KMT2A: variants seen among roughly 807,000 people sequenced by gnomAD.
KMT2A encodes lysine methyltransferase 2A.
KMT2A carries 16 observed loss-of-function variants against 345.3 expected under a neutral mutation model. That is an observed-to-expected ratio of 0.05 (90% CI 0.03 to 0.07). The LOEUF (loss-of-function observed/expected upper bound fraction) is 0.07, where lower values mean the gene tolerates loss of function less well. KMT2A is among the 10% of genes least tolerant of loss of function. KMT2A has a pLI of 1.00. For synonymous variants in KMT2A, 1,599 were observed against 1,778.6 expected (o/e 0.90, Z 2.54); for missense variants, 3,272 against 4,841.6 (o/e 0.68, Z 9.62).
At position 118,490,024 on chromosome 11, in the gene KMT2A, A is replaced by G; in HGVS notation, c.4576-105A>G. 1.4e-6 allele frequency: 2 copies of G among 1,438,104 alleles called. No individual in the cohort carries two copies. The highest frequency in any genetic ancestry group is 2.1e-5 in the Admixed American group (1 of 48,590). The allele number at this position is 1,438,104 out of a possible 1,614,324, so 89.1% of individuals were successfully genotyped here. On this transcript the variant is annotated intron_variant, in intron 12 of 35. Transcript: ENST00000534358. The surrounding 1 kb of genome is among the most constrained non-coding windows in gnomAD (Gnocchi z 4.2). ...TGCCTCATTACTAGGAAATCATCTC[A>G]GCAGAGAAATTAAATCTATAAATGG...
At chr11:118,456,529 G>C (rs782653794) in intron 1 of KMT2A, among the ~76,000 whole-genome samples, 17 of 151,924 alleles carry the variant, frequency 1.1e-4, no homozygotes, top group Non-Finnish European at 1.9e-4. Context: ...TAGTAGAGAT[G>C]GGGTTTCACT....
chr11:118,470,228 G>A (rs1949919884), intron 2 of KMT2A, among the ~76,000 whole-genome samples: 2 of 152,174 alleles, frequency 1.3e-5, no homozygotes, highest in African/African-American at 4.8e-5. Context: ...CCCTCTGATT[G>A]GCCAGGTTCA....
chr11:118,506,758 C>A (rs1950591724), intron 27 of KMT2A, 112 bp downstream of exon 27: 2 of 1,174,230 alleles, frequency 1.7e-6, no homozygotes, highest in Non-Finnish European at 2.4e-6. Context: ...GTTGCATTAC[C>A]TGGGAGTTTT....
intron 1 of KMT2A, among the ~76,000 whole-genome samples, chr11:118,456,047 G>T (rs1555030761): frequency 1.3e-5 from 2 of 151,782 alleles, no homozygotes; most frequent in South Asian, 2.1e-4. Context: ...TCCCTTTGTT[G>T]CCCAGGCTGA....
chr11:118,520,666 G>A lies in KMT2A; in HGVS notation c.11430-136G>A. 7 of 645,426 alleles carry A rather than the reference G, an allele frequency of 1.1e-5. No homozygotes were observed. The highest frequency in any genetic ancestry group is 1.9e-5 in the Non-Finnish European group (7 of 364,060). The allele number at this position is 645,426 out of a possible 1,614,324, so 40.0% of individuals were successfully genotyped here. ...ACTCCATCTCAAAAAAAAAAGGGGGGCGCTCATTTTATAAGGCACTCGTTC... is the reference window on the plus strand; with the variant it reads ...ACTCCATCTCAAAAAAAAAAGGGGGACGCTCATTTTATAAGGCACTCGTTC... On this transcript the variant is annotated intron_variant, in intron 33 of 35. Transcript: ENST00000534358. This position sits in a 1 kb window ranked among gnomAD's most constrained non-coding sequence, Gnocchi z 4.3.
chr11:118,484,501 C>T lies in KMT2A; in HGVS notation c.4218+187C>T, dbSNP rs1411087835. Among the ~76,000 whole-genome samples the T allele has an allele frequency of 6.6e-6, 1 of 152,160 alleles. No individual in the cohort carries two copies. Among genetic ancestry groups the T allele is most frequent in the Non-Finnish European group, 1.5e-5 (1 of 68,038 alleles). ...GTGTTGTTAGGTCACTGTTTGTGAACTGACTGCAGAACATACATAATGAAA... is the reference window on the plus strand; with the variant it reads ...GTGTTGTTAGGTCACTGTTTGTGAATTGACTGCAGAACATACATAATGAAA... On this transcript the variant is annotated intron_variant, in intron 9 of 35. Coordinates refer to ENST00000534358, the MANE Select transcript of KMT2A (RefSeq NM_001197104.2). The surrounding 1 kb of genome is among the most constrained non-coding windows in gnomAD (Gnocchi z 4.1).
intron 2 of KMT2A, among the ~76,000 whole-genome samples, chr11:118,469,342 T>C (rs1205744163): frequency 6.6e-6 from 1 of 152,172 alleles, no homozygotes; most frequent in Admixed American, 6.5e-5. Context: ...TATATGTCTT[T>C]GGGAATAATT....
rs1555046414 is a variant in KMT2A at position 118,503,058 on chromosome 11, C to A, written c.7166C>A (p.Thr2389Asn). ...RNDRDQHTDS[T>N]QSANSSPDED... ...GATCGAGACCAACACACAGATTCTA[C>A]CCAATCAGCAAACTCCTCTCCAGAT... The change falls in exon 27 of 36, where the codon ACC (threonine) becomes AAC (asparagine). Residue 2389 changes from threonine to asparagine, a missense_variant. Physicochemically the swap from Thr to Asn is moderately conservative, Grantham distance 65. This residue lies in a region of KMT2A where 445 missense variants were observed against 500.9 expected (regional missense o/e 0.89). Transcript: ENST00000534358. The surrounding 1 kb of genome is among the most constrained non-coding windows in gnomAD (Gnocchi z 5.3). 1.9e-6 allele frequency: 3 copies of A among 1,613,038 alleles called. No homozygotes were observed. Among genetic ancestry groups the A allele is most frequent in the Non-Finnish European group, 2.5e-6 (3 of 1,179,974 alleles).
rs1177622639 is a variant in KMT2A at position 118,525,596 on chromosome 11, AAAAAAAT to A, written c.*3438_*3444del. 1.3e-5 allele frequency: 3 copies of A among 224,930 alleles called. No individual in the cohort carries two copies. The highest frequency in any genetic ancestry group is 2.7e-5 in the Non-Finnish European group (3 of 113,064). The allele number at this position is 224,930 out of a possible 1,614,324, so 13.9% of individuals were successfully genotyped here. A position where few individuals can be genotyped will look rare whatever the true frequency, so the allele number is the denominator to read the frequency against. On this transcript the variant is annotated 3_prime_UTR_variant, in exon 36 of 36. Coordinates refer to ENST00000534358, the MANE Select transcript of KMT2A (RefSeq NM_001197104.2). ...AGCACCATGTAGCTCCCTTGATTTA[AAAAAAAT>A]AAAAAATAAAAAAAAAAGGAAAAAA...
Position 118,468,861 on chromosome 11 carries a change from G to T in KMT2A, c.502+17G>T, listed in dbSNP as rs1212987983. ...CTCCTTCAGGTACGGCCAATTAAGT[G>T]CATGGTGCCTTTTAAGTTTTGTTTG... On this transcript the variant is annotated intron_variant, in intron 2 of 35. Coordinates refer to ENST00000534358, the MANE Select transcript of KMT2A (RefSeq NM_001197104.2). The T allele has an allele frequency of 2.5e-6, 4 of 1,603,926 alleles. No homozygotes were observed. Among genetic ancestry groups the T allele is most frequent in the Non-Finnish European group, 3.4e-6 (4 of 1,171,102 alleles).
chr11:118,491,803 T>C lies in KMT2A; in HGVS notation c.4879T>C (p.Cys1627Arg). Reference sequence around the variant, plus strand: ...AAGTGTGGCCTACACTTGTGTGAACTGTACTGAGCGGCACCCTGCAGAGTG... The same window carrying C: ...AAGTGTGGCCTACACTTGTGTGAACCGTACTGAGCGGCACCCTGCAGAGTG... ...PESVAYTCVN[C>R]TERHPAEWRL... The change falls in exon 15 of 36, where the codon TGT (cysteine) becomes CGT (arginine). Residue 1627 changes from cysteine (C) to arginine (R), a missense_variant. Coordinates refer to ENST00000534358, the MANE Select transcript of KMT2A (RefSeq NM_001197104.2). The surrounding 1 kb of genome is among the most constrained non-coding windows in gnomAD (Gnocchi z 4.2). The C allele has an allele frequency of 6.2e-7, 1 of 1,614,086 alleles. No individual in the cohort carries two copies. The highest frequency in any genetic ancestry group is 8.5e-7 in the Non-Finnish European group (1 of 1,179,966).
In KMT2A at chr11:118,519,605, C is replaced by CTGATTCT; in HGVS notation, c.11147-11_11147-5dup. On this transcript the variant is annotated splice_polypyrimidine_tract_variant and intron_variant, in intron 31 of 35. Transcript: ENST00000534358. ...TGCGCTCCTCACTTCCCTGGTGCTT[C>CTGATTCT]TGATTCTTCTAGGTGTTAACGGTTT... 1 of 1,604,890 alleles carries CTGATTCT rather than the reference C, an allele frequency of 6.2e-7. No individual in the cohort carries two copies. Among genetic ancestry groups the CTGATTCT allele is most frequent in the East Asian group, 2.2e-5 (1 of 44,620 alleles).
rs782086872 is a variant in KMT2A, at chr11:118,523,446, G to A, written c.*1274G>A. 3 of 227,270 alleles carry A rather than the reference G, an allele frequency of 1.3e-5. No individual in the cohort carries two copies. Among genetic ancestry groups the A allele is most frequent in the Non-Finnish European group, 1.8e-5 (2 of 114,138 alleles). 14.1% of individuals were successfully genotyped at this position (227,270 alleles called of 1,614,324 possible). A position where few individuals can be genotyped will look rare whatever the true frequency, so the allele number is the denominator to read the frequency against. ...TGCCCTGATTACTCCTTAGGATGTG[G>A]TCAAAACAGCATCAAATGTTTCTTC... On this transcript the variant is annotated 3_prime_UTR_variant, in exon 36 of 36. Coordinates refer to ENST00000534358, the MANE Select transcript of KMT2A (RefSeq NM_001197104.2).
chr11:118,489,516 T>C (rs984264314), intron 11 of KMT2A, among the ~76,000 whole-genome samples: 9 of 152,216 alleles, frequency 5.9e-5, no homozygotes, highest in Non-Finnish European at 1.0e-4. Flanking sequence ...CTATTTTGTG[T>C]TTTAATTTTG....
chr11:118,481,766 A>G lies in KMT2A; in HGVS notation c.3686A>G (p.Lys1229Arg), dbSNP rs889733146. 2.5e-6 allele frequency: 4 copies of G among 1,614,154 alleles called. 1 individual carries two copies. In the South Asian group the frequency reaches 4.4e-5, roughly 18 times the overall value. Residue 1229 changes from lysine (K) to arginine (R), a missense_variant, in exon 7 of 36, where the codon AAA (lysine) becomes AGA (arginine). Transcript: ENST00000534358. The stretch of plus-strand genomic sequence containing the variant: ...AAGACCAGTGAAAAGAAAGACAGCA[A>G]AGAGAGCAGTGTTGTGAAGAACGTG... ...KSKTSEKKDSKESSVVKNVVD... is the reference protein window; with the variant it reads ...KSKTSEKKDSRESSVVKNVVD...
At chr11:118,518,140 TTAA>T (rs571028570) in intron 31 of KMT2A, among the ~76,000 whole-genome samples, 1 of 152,210 alleles carries the variant, frequency 6.6e-6, no homozygotes, top group Non-Finnish European at 1.5e-5. Flanking sequence ...TCTATATCTA[TTAA>T]TAATACCAAA....
At chr11:118,478,521 G>A (rs970584265) in intron 5 of KMT2A, among the ~76,000 whole-genome samples, 7 of 152,208 alleles carry the variant, frequency 4.6e-5, no homozygotes, top group Non-Finnish European at 1.0e-4. Flanking sequence ...TAGTGTGACT[G>A]AGGAACCACA....
At chr11:118,465,206 A>G (rs890062190) in intron 1 of KMT2A, among the ~76,000 whole-genome samples, 3 of 152,150 alleles carry the variant, frequency 2.0e-5, no homozygotes, top group Non-Finnish European at 4.4e-5. Context: ...CCACTGCACT[A>G]TAGCTAGGTG....
At position 118,472,831 on chromosome 11, in the gene KMT2A, T is replaced by C. The variant is rs1352890108; in HGVS notation, c.1672T>C (p.Ser558Pro). 1 of 1,613,498 alleles carries C rather than the reference T, an allele frequency of 6.2e-7. No individual in the cohort carries two copies. The highest frequency in any genetic ancestry group is 8.5e-7 in the Non-Finnish European group (1 of 1,179,920). ...ACAAAGTGCCCCCCAGCAGCAGACCTCCTCGTCTCCACCTCCACCTCTGCT... is the reference window on the plus strand; with the variant it reads ...ACAAAGTGCCCCCCAGCAGCAGACCCCCTCGTCTCCACCTCCACCTCTGCT... ...TLQSAPQQQTSSSPPPPLLTP... is the reference protein window; with the variant it reads ...TLQSAPQQQTPSSPPPPLLTP... The change falls in exon 3 of 36, where the codon TCC (serine) becomes CCC (proline). Residue 558 changes from serine to proline, a missense_variant. Ser to Pro is a moderately conservative substitution (Grantham distance 74). Transcript: ENST00000534358.
Sources: allele counts gnomAD v4.1 joint callset (sites outside exome capture counted in the v4.1 genomes callset), GRCh38; gene constraint gnomAD v4.1.1; regional missense constraint gnomAD v4.1.1; non-coding constraint Gnocchi (gnomAD v3.1); transcripts MANE v1.5; gene names NCBI Gene and HGNC (gene_info 2026-07-23, HGNC 2026-07-21).